PXYLP1: variants seen among roughly 807,000 people sequenced by gnomAD.
PXYLP1 encodes the protein acid phosphatase-like 2.
PXYLP1 carries 17 observed loss-of-function variants against 37.9 expected under a neutral mutation model. The observed-to-expected ratio is 0.45, with a 90% CI of 0.31 to 0.67. The LOEUF (loss-of-function observed/expected upper bound fraction) is 0.67. Ranked by LOEUF, PXYLP1 falls within the 30% of genes least tolerant of loss-of-function variation. PXYLP1 has a pLI of 0.07. For synonymous variants in PXYLP1, 221 were observed against 232.2 expected (o/e 0.95, Z 0.44); for missense variants, 511 against 612.0 (o/e 0.84, Z 1.74).
intron 1 of PXYLP1, among the ~76,000 whole-genome samples, chr3:141,245,759 T>C (rs924224251): frequency 1.3e-5 from 2 of 152,186 alleles, no homozygotes; most frequent in Admixed American, 6.5e-5. Flanking sequence ...ATCTCTTAGG[T>C]ATTTGGCGGA....
At chr3:141,262,175 T>C in intron 2 of PXYLP1, 3 of 608,228 alleles carry the variant, frequency 4.9e-6, no homozygotes, top group Non-Finnish European at 6.2e-6. Flanking sequence ...CATATTTCCA[T>C]GTACATGCAT....
At chr3:141,252,170 G>A (rs895505409) in intron 1 of PXYLP1, among the ~76,000 whole-genome samples, 4 of 152,152 alleles carry the variant, frequency 2.6e-5, no homozygotes, top group African/African-American at 9.7e-5. Flanking sequence ...GATTTGTGGG[G>A]TGTGGCCAGA....
intron 1 of PXYLP1, 57 bp from the exon 2 acceptor site, chr3:141,260,066 G>C: frequency 7.6e-7 from 1 of 1,311,576 alleles, no homozygotes; most frequent in African/African-American, 1.5e-5. Context: ...ATTTTCAGTT[G>C]ACAAATTTAG....
intron 1 of PXYLP1, among the ~76,000 whole-genome samples, chr3:141,243,383 T>G (rs893739117): frequency 6.6e-6 from 1 of 152,152 alleles, no homozygotes; most frequent in Non-Finnish European, 1.5e-5. Flanking sequence ...GCTGAGAAAC[T>G]TTCAGTGGCT....
At chr3:141,267,674 T>G (rs1941551350) in intron 2 of PXYLP1, 1 of 151,884 alleles carries the variant, frequency 6.6e-6, no homozygotes, top group African/African-American at 2.4e-5. Flanking sequence ...AATAAGCTGT[T>G]GTCACAATTT....
At chr3:141,279,087 C>T (rs950269504) in intron 3 of PXYLP1, among the ~76,000 whole-genome samples, 1 of 152,208 alleles carries the variant, frequency 6.6e-6, no homozygotes, top group African/African-American at 2.4e-5. Context: ...AGTGAGGCCA[C>T]ATTAGTAGTC....
At chr3:141,265,164 A>C (rs181116726) in intron 2 of PXYLP1, among the ~76,000 whole-genome samples, 7 of 152,240 alleles carry the variant, frequency 4.6e-5, no homozygotes, top group African/African-American at 1.7e-4. Context: ...AGTTGGAACA[A>C]AGTCTGGGAC....
At chr3:141,242,980 C>T (rs6762331) in intron 1 of PXYLP1, among the ~76,000 whole-genome samples, 34,668 of 152,164 alleles carry the variant, frequency 0.23, 5,689 homozygotes, top group African/African-American at 0.47. Context: ...TGAATTACTA[C>T]TTGCAGGTGA....
chr3:141,262,312 TA>T, intron 2 of PXYLP1: 1 of 1,004,548 alleles, frequency 1.0e-6, no homozygotes, highest in Non-Finnish European at 1.2e-6. Context: ...AAATGAATTG[TA>T]AAATCTGAAT....
intron 1 of PXYLP1, among the ~76,000 whole-genome samples, chr3:141,244,231 T>C (rs1940882958): frequency 6.6e-6 from 1 of 152,218 alleles, no homozygotes; most frequent in Non-Finnish European, 1.5e-5. Context: ...TAGCACAGGT[T>C]CAAATTCTAA....
chr3:141,285,144 C>CTTTTTTTTTTTTTTTTTT (rs147495598), intron 4 of PXYLP1, among the ~76,000 whole-genome samples: 4 of 78,764 alleles, frequency 5.1e-5, no homozygotes, highest in East Asian at 3.5e-4. Flanking sequence ...TTTTCTTTTT[C>CTTTTTTTTTTTTTTTTTT]TTTTTTTTTT....
intron 2 of PXYLP1, 120 bp downstream of exon 2, chr3:141,260,374 T>C (rs1318473051): frequency 1.6e-5 from 19 of 1,181,330 alleles, no homozygotes; most frequent in Non-Finnish European, 2.2e-5. Flanking sequence ...GTCTTTTTAT[T>C]GTTGGCACTC....
At chr3:141,276,523 A>G (rs1037405685) in intron 2 of PXYLP1, among the ~76,000 whole-genome samples, 2 of 152,106 alleles carry the variant, frequency 1.3e-5, no homozygotes, top group Non-Finnish European at 2.9e-5. Context: ...AGAACATTCC[A>G]CAGTAGGGAC....
rs760460030 is a variant in PXYLP1 at position 141,292,332 on chromosome 3, C to T, written c.570C>T (p.Leu190=). 5 of 1,613,828 alleles carry T rather than the reference C, an allele frequency of 3.1e-6. No homozygotes were observed. The South Asian group carries it at 4.4e-5, about 14-fold the overall frequency. The change falls in exon 6 of 6, where the codon CTC becomes CTT. Residue 190 remains leucine, a synonymous_variant. Coordinates refer to ENST00000286353, the MANE Select transcript of PXYLP1 (RefSeq NM_001037172.3). This position sits in a 1 kb window ranked among gnomAD's most constrained non-coding sequence, Gnocchi z 4.3. ...ATATCTATCTAAAGAAACACAAACT[C>T]CTGCCCAATGATTGGTCTGCAGACC... ...LRDIYLKKHK[L]LPNDWSADQL... is the part of the protein sequence containing the mutation.
At chr3:141,240,654 C>T (rs909560685) in intron 1 of PXYLP1, among the ~76,000 whole-genome samples, 2 of 152,046 alleles carry the variant, frequency 1.3e-5, no homozygotes, top group Non-Finnish European at 2.9e-5. Flanking sequence ...ACTGTCTGCC[C>T]CCTCCTCCCC....
At chr3:141,232,568 C>G (rs1379157078) in intron 1 of PXYLP1, 1 of 152,316 alleles carries the variant, frequency 6.6e-6, no homozygotes, top group Admixed American at 6.5e-5. Context: ...GTTAACATTC[C>G]TGGATGCGCA....
intron 2 of PXYLP1, chr3:141,262,392 A>G: frequency 9.7e-7 from 1 of 1,028,964 alleles, no homozygotes; most frequent in Non-Finnish European, 1.2e-6. Flanking sequence ...AAAATTTTCC[A>G]TCCTTTGGTT....
intron 1 of PXYLP1, among the ~76,000 whole-genome samples, chr3:141,237,718 G>A (rs950312181): frequency 6.6e-6 from 1 of 152,184 alleles, no homozygotes; most frequent in African/African-American, 2.4e-5. Context: ...CAGGATAATA[G>A]TCTCTGTCCT....
chr3:141,263,314 A>G (rs1288976043), intron 2 of PXYLP1, among the ~76,000 whole-genome samples: 1 of 152,234 alleles, frequency 6.6e-6, no homozygotes, highest in East Asian at 1.9e-4. Context: ...GTTCATCTTA[A>G]ATGGTGCTAA....
Sources: allele counts gnomAD v4.1 joint callset (sites outside exome capture counted in the v4.1 genomes callset), GRCh38; gene constraint gnomAD v4.1.1; non-coding constraint Gnocchi (gnomAD v3.1); transcripts MANE v1.5; gene names NCBI Gene and HGNC (gene_info 2026-07-23, HGNC 2026-07-21).